The following PTPRD variants were observed in gnomAD, a reference collection of about 807,000 sequenced individuals.
The protein encoded by PTPRD is protein tyrosine phosphatase receptor type D, also known as receptor-type tyrosine-protein phosphatase delta.
Under a neutral mutation model 214.5 loss-of-function variants are expected in PTPRD, and 34 were observed. The ratio of observed to expected loss-of-function variants is 0.16; its 90% CI spans 0.12 to 0.21. The LOEUF (loss-of-function observed/expected upper bound fraction) is 0.21. PTPRD is among the 10% of genes least tolerant of loss of function. PTPRD has a pLI of 1.00. For synonymous variants in PTPRD, 1,128 were observed against 845.7 expected (o/e 1.33, Z -5.79); for missense variants, 2,545 against 2,398.7 (o/e 1.06, Z -1.27).
At chr9:10,489,059 G>A (rs371958387) in intron 2 of PTPRD, among the ~76,000 whole-genome samples, 11 of 152,084 alleles carry the variant, frequency 7.2e-5, no homozygotes, top group East Asian at 1.9e-4. Context: ...AGCTGGGAAC[G>A]TGCTGAGCCT....
intron 3 of PTPRD, among the ~76,000 whole-genome samples, chr9:10,254,024 C>T (rs566098648): frequency 2.6e-5 from 4 of 152,280 alleles, no homozygotes; most frequent in African/African-American, 4.8e-5. Context: ...AATAATAACA[C>T]ATTTCCCCGT....
At chr9:9,679,438 T>C (rs1595033888) in intron 7 of PTPRD, among the ~76,000 whole-genome samples, 1 of 151,978 alleles carries the variant, frequency 6.6e-6, no homozygotes, top group African/African-American at 2.4e-5. Flanking sequence ...ACCTGAACTT[T>C]AAAAATAAAT....
chr9:8,716,843 G>A (rs1374987203), intron 12 of PTPRD, among the ~76,000 whole-genome samples: 1 of 152,174 alleles, frequency 6.6e-6, no homozygotes, highest in East Asian at 1.9e-4. Context: ...GTATTGGAAT[G>A]TAGGGGGTTG....
At chr9:8,814,663 C>T (rs532108214) in intron 11 of PTPRD, among the ~76,000 whole-genome samples, 2 of 152,260 alleles carry the variant, frequency 1.3e-5, no homozygotes, top group South Asian at 4.1e-4. Context: ...GAGCACAAAC[C>T]ATCTGTGACG....
chr9:10,142,700 T>A (rs1231790027), intron 3 of PTPRD, among the ~76,000 whole-genome samples: 2 of 149,002 alleles, frequency 1.3e-5, no homozygotes, highest in Non-Finnish European at 3.0e-5. Context: ...GTTCAACCAT[T>A]GTGGAAGTCA....
At chr9:10,369,313 T>C (rs2097569338) in intron 2 of PTPRD, among the ~76,000 whole-genome samples, 1 of 152,126 alleles carries the variant, frequency 6.6e-6, no homozygotes, top group South Asian at 2.1e-4. Flanking sequence ...TGCATCTATT[T>C]TCCCAAAAGA....
chr9:8,542,670 G>A (rs951120597), intron 14 of PTPRD, among the ~76,000 whole-genome samples: 1 of 152,222 alleles, frequency 6.6e-6, no homozygotes, highest in Non-Finnish European at 1.5e-5. Context: ...TACAAAGCAA[G>A]TGTCTGTCAG....
intron 11 of PTPRD, among the ~76,000 whole-genome samples, chr9:8,998,427 C>A (rs2099405261): frequency 6.6e-6 from 1 of 151,992 alleles, no homozygotes; most frequent in South Asian, 2.1e-4. Flanking sequence ...TGGATGAGAG[C>A]ACATCTGTTT....
chr9:8,863,184 G>A (rs2098136575), intron 11 of PTPRD, among the ~76,000 whole-genome samples: 2 of 152,272 alleles, frequency 1.3e-5, no homozygotes, highest in South Asian at 2.1e-4. Context: ...GTGTGTAGAG[G>A]ACGTTATGGT....
At chr9:10,227,536 G>A (rs1236022929) in intron 3 of PTPRD, among the ~76,000 whole-genome samples, 3 of 151,816 alleles carry the variant, frequency 2.0e-5, no homozygotes, top group African/African-American at 7.3e-5. Flanking sequence ...TCCCTTAACT[G>A]CATTGCCCGT....
chr9:8,658,346 C>T (rs1218225464), intron 12 of PTPRD, among the ~76,000 whole-genome samples: 1 of 152,148 alleles, frequency 6.6e-6, no homozygotes, highest in African/African-American at 2.4e-5. Flanking sequence ...TTAACAAGTG[C>T]TATATGAGAA....
chr9:8,359,180 T>TA (rs2077810149), intron 39 of PTPRD, among the ~76,000 whole-genome samples: 1 of 148,004 alleles, frequency 6.8e-6, no homozygotes, highest in Non-Finnish European at 1.5e-5. Context: ...GCAGGGATCT[T>TA]AGAGATCTGG....
intron 7 of PTPRD, among the ~76,000 whole-genome samples, chr9:9,637,760 G>C (rs2095818366): frequency 6.6e-6 from 1 of 152,176 alleles, no homozygotes; most frequent in South Asian, 2.1e-4. Context: ...AGAACTCTCT[G>C]TGGTAGCCCA....
At chr9:9,661,276 A>G (rs1402512644) in intron 7 of PTPRD, among the ~76,000 whole-genome samples, 4 of 151,974 alleles carry the variant, frequency 2.6e-5, no homozygotes, top group Non-Finnish European at 4.4e-5. Context: ...TTATATGAAA[A>G]TACTGGCCAC....
intron 2 of PTPRD, among the ~76,000 whole-genome samples, chr9:10,506,774 T>C (rs1225117089): frequency 6.6e-6 from 1 of 152,188 alleles, no homozygotes; most frequent in Non-Finnish European, 1.5e-5. Flanking sequence ...CTGTCAATTA[T>C]ATTTTAGAAT....
rs35887411 is a variant in PTPRD, at chr9:8,650,528, CAA to C, written c.65-13686_65-13685del. Among the ~76,000 whole-genome samples the C allele has an allele frequency of 4.3e-3, 448 of 104,272 alleles. 2 individuals carry two copies. Among genetic ancestry groups the C allele is most frequent in the African/African-American group, 0.011 (303 of 27,158 alleles). 68.4% of individuals were successfully genotyped at this position (104,272 alleles called of 152,430 possible). On this transcript the variant is annotated intron_variant, in intron 12 of 45. Coordinates refer to ENST00000381196, the MANE Select transcript of PTPRD (RefSeq NM_002839.4). ...CAAAAAGAGCAAAAAACTCCGCCTC[CAA>C]AAAAAAAAAAAAAAAAAGTGGATAC...
At chr9:9,371,242 T>G (rs543474722) in intron 9 of PTPRD, among the ~76,000 whole-genome samples, 1 of 152,246 alleles carries the variant, frequency 6.6e-6, no homozygotes, top group East Asian at 1.9e-4. Flanking sequence ...CATCTGGTCC[T>G]GGACTTTTTT....
chr9:9,466,739 T>A (rs1400526347), intron 8 of PTPRD, among the ~76,000 whole-genome samples: 1 of 152,182 alleles, frequency 6.6e-6, no homozygotes, highest in African/African-American at 2.4e-5. Flanking sequence ...CATATCTATT[T>A]TTTCCTGGAC....
At chr9:8,973,137 G>C (rs892618980) in intron 11 of PTPRD, among the ~76,000 whole-genome samples, 1 of 151,982 alleles carries the variant, frequency 6.6e-6, no homozygotes, top group African/African-American at 2.4e-5. Context: ...CAAATGTATA[G>C]ATTTGTTAGA....
Sources: gnomAD v4.1 joint callset for allele counts (sites outside exome capture counted in the v4.1 genomes callset) on GRCh38, gnomAD v4.1.1 for gene constraint, MANE v1.5 for transcripts, NCBI Gene and HGNC (gene_info 2026-07-23, HGNC 2026-07-21) for gene names.